SEC23A: variants seen among roughly 807,000 people sequenced by gnomAD.
SEC23A encodes the protein protein transport protein Sec23A.
In SEC23A, 56 loss-of-function variants were observed where a neutral mutation model predicts 103.7. The observed-to-expected ratio is 0.54, with a 90% CI of 0.44 to 0.67. The LOEUF (loss-of-function observed/expected upper bound fraction) is 0.67, where lower values mean the gene tolerates loss of function less well. SEC23A is among the 30% of genes least tolerant of loss of function. SEC23A has a pLI of 0.00. For missense variants in SEC23A, 784 were observed against 936.4 expected (o/e 0.84, Z 2.12); for synonymous variants, 281 against 293.0 (o/e 0.96, Z 0.42).
intron 15 of SEC23A, chr14:39,047,551 CT>C (rs2139197835): frequency 3.0e-6 from 1 of 329,472 alleles, no homozygotes; most frequent in East Asian, 1.2e-4. Context: ...AAAGCTGATG[CT>C]TTAAACAAAG....
intron 1 of SEC23A, among the ~76,000 whole-genome samples, chr14:39,098,692 T>A (rs1205460511): frequency 1.3e-5 from 2 of 151,590 alleles, no homozygotes; most frequent in Non-Finnish European, 2.9e-5. Flanking sequence ...GAGAATCACT[T>A]GAACCCGGGA....
chr14:39,048,199 T>C (rs886392286), intron 15 of SEC23A, among the ~76,000 whole-genome samples: 12 of 152,222 alleles, frequency 7.9e-5, no homozygotes, highest in Non-Finnish European at 1.3e-4. Context: ...CACCAACTAC[T>C]CGTAGCACAA....
intron 18 of SEC23A, chr14:39,039,402 A>C: frequency 3.4e-6 from 1 of 291,982 alleles, no homozygotes; most frequent in South Asian, 6.5e-5. Flanking sequence ...AAATTACTAA[A>C]CACTTGGTCA....
At chr14:39,100,032 A>G (rs1432381103) in intron 1 of SEC23A, among the ~76,000 whole-genome samples, 1 of 152,198 alleles carries the variant, frequency 6.6e-6, no homozygotes, top group African/African-American at 2.4e-5. Context: ...CAACTGGTTA[A>G]AAGGCTGGAT....
intron 13 of SEC23A, 145 bp downstream of exon 13, chr14:39,061,619 TG>T: frequency 1.5e-6 from 1 of 672,452 alleles, no homozygotes; most frequent in Non-Finnish European, 2.7e-6. Flanking sequence ...GCAAATAAGC[TG>T]GGTTAGAAAG....
intron 9 of SEC23A, among the ~76,000 whole-genome samples, chr14:39,067,860 G>C (rs1352632804): frequency 6.6e-6 from 1 of 151,710 alleles, no homozygotes; most frequent in Non-Finnish European, 1.5e-5. Flanking sequence ...TGTAGAGATA[G>C]GGTTTTGCCA....
intron 13 of SEC23A, among the ~76,000 whole-genome samples, chr14:39,058,461 C>A (rs1886325447): frequency 6.6e-6 from 1 of 152,154 alleles, no homozygotes; most frequent in South Asian, 2.1e-4. Context: ...GTGCCCGCCA[C>A]CACGCCCGGC....
At chr14:39,040,553 A>G in intron 18 of SEC23A, 179 bp downstream of exon 18, 1 of 714,354 alleles carries the variant, frequency 1.4e-6, no homozygotes. Flanking sequence ...CTAGTCAATA[A>G]TCTTACTGTT....
chr14:39,060,598 C>T (rs1413345999), intron 13 of SEC23A, among the ~76,000 whole-genome samples: 1 of 152,190 alleles, frequency 6.6e-6, no homozygotes, highest in Non-Finnish European at 1.5e-5. Context: ...TTCACCTCAT[C>T]TAAAAAACCT....
At position 39,074,830 on chromosome 14, in the gene SEC23A, G is replaced by A. The variant is rs192671029; in HGVS notation, c.988-300C>T. Among the ~76,000 whole-genome samples, 1,305 of 152,290 alleles carry A rather than the reference G, an allele frequency of 8.6e-3. 21 individuals carry two copies. The highest frequency in any genetic ancestry group is 0.029 in the African/African-American group (1,215 of 41,568). Reference sequence around the variant, plus strand: ...AAACATAGCACAAAAACAACAGGCTGGGCGTGGTGGCTCACGCCTGTAATC... The same window carrying A: ...AAACATAGCACAAAAACAACAGGCTAGGCGTGGTGGCTCACGCCTGTAATC... On this transcript the variant is annotated intron_variant, in intron 8 of 19. Coordinates refer to ENST00000307712, the MANE Select transcript of SEC23A (RefSeq NM_006364.4).
chr14:39,048,509 G>A (rs555334374), intron 15 of SEC23A, 143 bp downstream of exon 15: 1 of 633,434 alleles, frequency 1.6e-6, no homozygotes, highest in East Asian at 2.8e-5. Context: ...AACTACTCAG[G>A]AGGCTGACTA....
At chr14:39,095,044 G>A (rs1201788224) in intron 2 of SEC23A, 13 of 695,128 alleles carry the variant, frequency 1.9e-5, no homozygotes, top group Non-Finnish European at 2.9e-5. Context: ...GAAACAGGGA[G>A]AGCAGGTAGG....
At chr14:39,043,296 T>C (rs1885715836) in intron 16 of SEC23A, among the ~76,000 whole-genome samples, 1 of 152,200 alleles carries the variant, frequency 6.6e-6, no homozygotes, top group Admixed American at 6.5e-5. Context: ...CATGATGGCC[T>C]AAATTTGAAA....
At position 39,085,876 on chromosome 14, in the gene SEC23A, C is replaced by G; in HGVS notation, c.714G>C (p.Met238Ile). ...RFLQPVQKID[M>I]NLTDLLGELQ... The stretch of plus-strand genomic sequence containing the variant: ...GTTCTCCCAGAAGATCTGTGAGATT[C>G]ATGTCTATTTTCTGTACTGGTTGTA... The change falls in exon 7 of 20, where the codon ATG (methionine) becomes ATC (isoleucine). Residue 238 changes from methionine to isoleucine, a missense_variant. Met to Ile is a conservative substitution (Grantham distance 10). Transcript: ENST00000307712. The G allele has an allele frequency of 6.2e-7, 1 of 1,613,592 alleles. No homozygotes were observed.
chr14:39,055,404 A>G, intron 13 of SEC23A, 108 bp from the exon 14 acceptor site: 1 of 1,173,838 alleles, frequency 8.5e-7, no homozygotes, highest in Non-Finnish European at 1.2e-6. Context: ...TACAGAAACT[A>G]CTAGGATTTT....
chr14:39,095,262 A>G (rs1011659436), intron 2 of SEC23A, among the ~76,000 whole-genome samples: 2 of 152,062 alleles, frequency 1.3e-5, no homozygotes, highest in Non-Finnish European at 2.9e-5. Flanking sequence ...AACAGAAATC[A>G]CAACATTTTT....
Position 39,053,356 on chromosome 14 carries a change from A to C in SEC23A, c.1659+1787T>G, listed in dbSNP as rs568298349. Among the ~76,000 whole-genome samples, 98 of 152,332 alleles carry C rather than the reference A, an allele frequency of 6.4e-4. 1 individual carries two copies. The highest frequency in any genetic ancestry group is 2.2e-3 in the African/African-American group (92 of 41,572). ...AAATTCAAGGAAAATTTCTGCTACA[A>C]AGAGAAACTTTTCTGCTATCCTAAA... On this transcript the variant is annotated intron_variant, in intron 14 of 19. Coordinates refer to ENST00000307712, the MANE Select transcript of SEC23A (RefSeq NM_006364.4).
chr14:39,074,683 T>C (rs1427116139), intron 8 of SEC23A, among the ~76,000 whole-genome samples, 153 bp from the exon 9 acceptor site: 2 of 152,246 alleles, frequency 1.3e-5, no homozygotes, highest in Non-Finnish European at 2.9e-5. Flanking sequence ...AATAAAATTA[T>C]ACAACAACTT....
At chr14:39,102,232 A>C (rs1888128552) in intron 1 of SEC23A, among the ~76,000 whole-genome samples, 1 of 152,158 alleles carries the variant, frequency 6.6e-6, no homozygotes, top group South Asian at 2.1e-4. Flanking sequence ...ACTCCGTCTC[A>C]GAAAAAAAAA....
Sources: gnomAD v4.1 joint callset for allele counts (sites outside exome capture counted in the v4.1 genomes callset) on GRCh38, gnomAD v4.1.1 for gene constraint, MANE v1.5 for transcripts, NCBI Gene and HGNC (gene_info 2026-07-23, HGNC 2026-07-21) for gene names.